Variants in NEK10 observed in about 807,000 individuals in gnomAD.
The protein encoded by NEK10 is NIMA related kinase 10.
Under a neutral mutation model 159.8 loss-of-function variants are expected in NEK10, and 122 were observed. The observed-to-expected ratio is 0.76, with a 90% CI of 0.66 to 0.89. NEK10 has a LOEUF of 0.89. Ranked by LOEUF, NEK10 falls within the 40% of genes least tolerant of loss-of-function variation. The pLI is 0.00. For synonymous variants in NEK10, 466 were observed against 457.1 expected (o/e 1.02, Z -0.25); for missense variants, 1,342 against 1,323.1 (o/e 1.01, Z -0.22).
At chr3:27,203,335 G>A (rs549959612) in intron 23 of NEK10, among the ~76,000 whole-genome samples, 55 of 152,244 alleles carry the variant, frequency 3.6e-4, no homozygotes, top group African/African-American at 1.3e-3. Context: ...ATAAAGTAGG[G>A]GGAAGACCAT....
At chr3:27,215,466 T>C (rs1005672647) in intron 23 of NEK10, 7 of 381,444 alleles carry the variant, frequency 1.8e-5, no homozygotes, top group African/African-American at 1.4e-4. Context: ...CTGTTCAGTG[T>C]GTTATAAGAA....
intron 13 of NEK10, among the ~76,000 whole-genome samples, chr3:27,301,194 T>C (rs375865833): frequency 9.8e-5 from 15 of 152,346 alleles, no homozygotes; most frequent in South Asian, 2.1e-4. Context: ...CCAAAAAGCA[T>C]TGATGCATTG....
intron 30 of NEK10, among the ~76,000 whole-genome samples, chr3:27,158,079 A>G: frequency 6.6e-6 from 1 of 152,200 alleles, no homozygotes; most frequent in East Asian, 1.9e-4. Flanking sequence ...GACATGTTTA[A>G]TTGTGATATT....
chr3:27,246,460 G>T (rs1388855435), intron 23 of NEK10, among the ~76,000 whole-genome samples: 1 of 151,898 alleles, frequency 6.6e-6, no homozygotes, highest in African/African-American at 2.4e-5. Flanking sequence ...TGTTTATGGG[G>T]TTTATGAGAT....
intron 23 of NEK10, among the ~76,000 whole-genome samples, chr3:27,211,186 G>C (rs951811931): frequency 3.9e-5 from 6 of 152,094 alleles, no homozygotes; most frequent in Admixed American, 3.3e-4. Context: ...TGACACAATT[G>C]ATTTCAGATC....
At chr3:27,172,711 A>G (rs577264607) in intron 28 of NEK10, among the ~76,000 whole-genome samples, 2 of 152,326 alleles carry the variant, frequency 1.3e-5, no homozygotes, top group South Asian at 2.1e-4. Flanking sequence ...TTCTATGCAT[A>G]TATCAAAATA....
At chr3:27,292,269 T>C (rs772603932) in intron 16 of NEK10, among the ~76,000 whole-genome samples, 11 of 152,308 alleles carry the variant, frequency 7.2e-5, no homozygotes, top group Admixed American at 2.0e-4. Flanking sequence ...TTTGGGGGTA[T>C]AGGCATTGAA....
chr3:27,302,215 G>A (rs1031290482), intron 12 of NEK10, among the ~76,000 whole-genome samples: 1 of 152,038 alleles, frequency 6.6e-6, no homozygotes, highest in African/African-American at 2.4e-5. Flanking sequence ...TCATATCTTG[G>A]AAATGTTTGG....
At chr3:27,284,799 A>G (rs2042455697) in intron 21 of NEK10, 41 bp downstream of exon 21, 1 of 1,555,068 alleles carries the variant, frequency 6.4e-7, no homozygotes, top group Non-Finnish European at 8.9e-7. Flanking sequence ...AGCTCAGAAC[A>G]TTACTGTTTT....
intron 15 of NEK10, 86 bp downstream of exon 15, chr3:27,295,527 A>G: frequency 6.8e-7 from 1 of 1,479,472 alleles, no homozygotes; most frequent in Non-Finnish European, 9.0e-7. Flanking sequence ...ACTAACCTAA[A>G]CATTCTAAAA....
intron 23 of NEK10, among the ~76,000 whole-genome samples, chr3:27,208,171 A>G (rs1393989454): frequency 2.0e-5 from 3 of 152,076 alleles, no homozygotes; most frequent in Non-Finnish European, 4.4e-5. Flanking sequence ...GTACGATAGG[A>G]GTTAATGAGA....
At chr3:27,283,876 G>A (rs546313893) in intron 22 of NEK10, among the ~76,000 whole-genome samples, 28 of 152,266 alleles carry the variant, frequency 1.8e-4, no homozygotes, top group African/African-American at 6.5e-4. Context: ...TCAAAACAAT[G>A]TGCTCATGTG....
chr3:27,130,641 T>C (rs1270645031), intron 32 of NEK10, among the ~76,000 whole-genome samples: 1 of 152,174 alleles, frequency 6.6e-6, no homozygotes, highest in African/African-American at 2.4e-5. Context: ...TCAAACCAGA[T>C]TATTCTGACC....
At chr3:27,265,236 T>C (rs2040791417) in intron 22 of NEK10, among the ~76,000 whole-genome samples, 1 of 152,222 alleles carries the variant, frequency 6.6e-6, no homozygotes, top group Non-Finnish European at 1.5e-5. Flanking sequence ...TTCAGGTAAG[T>C]ACAATATGTG....
intron 23 of NEK10, among the ~76,000 whole-genome samples, chr3:27,227,942 T>C (rs1481964879): frequency 6.6e-6 from 1 of 152,124 alleles, no homozygotes; most frequent in Non-Finnish European, 1.5e-5. Context: ...TTAAAGCAGA[T>C]CTTGTTTAAA....
chr3:27,113,670 T>C (rs1939954574), intron 35 of NEK10, among the ~76,000 whole-genome samples: 1 of 152,128 alleles, frequency 6.6e-6, no homozygotes, highest in African/African-American at 2.4e-5. Flanking sequence ...TTTATCATAA[T>C]AAGAAAATTT....
chr3:27,339,111 A>G (rs1490098438), intron 5 of NEK10, among the ~76,000 whole-genome samples: 2 of 152,228 alleles, frequency 1.3e-5, no homozygotes, highest in Non-Finnish European at 2.9e-5. Context: ...TAAGCAAATT[A>G]TACCATTAAA....
intron 26 of NEK10, among the ~76,000 whole-genome samples, chr3:27,183,791 A>G (rs1948363977): frequency 6.6e-6 from 1 of 152,164 alleles, no homozygotes; most frequent in African/African-American, 2.4e-5. Flanking sequence ...GATATTTAAC[A>G]CATACACATA....
chr3:27,117,612 C>T (rs915766094), intron 33 of NEK10, among the ~76,000 whole-genome samples: 14 of 152,118 alleles, frequency 9.2e-5, no homozygotes, highest in African/African-American at 1.4e-4. Flanking sequence ...GTTTGTTGGC[C>T]GCATAAATGT....
Sources: gnomAD v4.1 joint callset for allele counts (sites outside exome capture counted in the v4.1 genomes callset) on GRCh38, gnomAD v4.1.1 for gene constraint, MANE v1.5 for transcripts, NCBI Gene and HGNC (gene_info 2026-07-23, HGNC 2026-07-21) for gene names.